Variants in LRRC4C observed in about 807,000 individuals in gnomAD.
The protein encoded by LRRC4C is leucine-rich repeat-containing protein 4C.
LRRC4C carries 5 observed loss-of-function variants against 33.6 expected under a neutral mutation model. That is an observed-to-expected ratio of 0.15 (90% CI 0.08 to 0.31). LRRC4C has a LOEUF of 0.31. LRRC4C is among the 10% of genes least tolerant of loss of function. LRRC4C has a pLI of 1.00. For synonymous variants in LRRC4C, 329 were observed against 302.0 expected (o/e 1.09, Z -0.93); for missense variants, 560 against 796.7 (o/e 0.70, Z 3.58).
chr11:40,978,418 A>G (rs1038890770), intron 1 of LRRC4C, among the ~76,000 whole-genome samples: 2 of 152,180 alleles, frequency 1.3e-5, no homozygotes, highest in Non-Finnish European at 2.9e-5. Flanking sequence ...ATATTTTATA[A>G]TATTTGGAGA....
intron 2 of LRRC4C, among the ~76,000 whole-genome samples, chr11:40,853,669 C>T (rs1468397634): frequency 2.0e-5 from 3 of 152,080 alleles, no homozygotes; most frequent in African/African-American, 7.2e-5. Context: ...GCAGTGAATA[C>T]CATTCAAAAC....
chr11:40,850,004 C>G (rs982374642), intron 2 of LRRC4C, among the ~76,000 whole-genome samples: 2 of 151,776 alleles, frequency 1.3e-5, no homozygotes, highest in African/African-American at 4.8e-5. Flanking sequence ...CTTCTCTAAA[C>G]TGGTTATTCT....
At chr11:40,441,578 C>A (rs1003785289) in intron 3 of LRRC4C, among the ~76,000 whole-genome samples, 47 of 152,248 alleles carry the variant, frequency 3.1e-4, no homozygotes, top group African/African-American at 1.1e-3. Context: ...GTGGATTTTT[C>A]TTTCTGGAGA....
chr11:40,453,154 A>C (rs538224544), intron 3 of LRRC4C, among the ~76,000 whole-genome samples: 1 of 150,372 alleles, frequency 6.7e-6, no homozygotes, highest in African/African-American at 2.4e-5. Flanking sequence ...CACATTGTGC[A>C]CATGTACCCT....
chr11:40,276,160 G>A (rs992295115), intron 4 of LRRC4C, among the ~76,000 whole-genome samples: 19 of 152,084 alleles, frequency 1.2e-4, no homozygotes, highest in African/African-American at 4.6e-4. Context: ...TGATTATTTG[G>A]AAGATAAATA....
intron 2 of LRRC4C, among the ~76,000 whole-genome samples, chr11:40,809,385 T>G (rs1208380635): frequency 6.6e-6 from 1 of 152,176 alleles, no homozygotes; most frequent in Non-Finnish European, 1.5e-5. Context: ...GTGCCTATTT[T>G]TCACACAGAT....
intron 1 of LRRC4C, among the ~76,000 whole-genome samples, chr11:41,084,508 T>C (rs572314005): frequency 2.2e-4 from 33 of 152,340 alleles, no homozygotes; most frequent in African/African-American, 7.9e-4. Context: ...TCCTTTGAAA[T>C]GTTACACAAT....
chr11:40,649,252 G>C (rs1377307379), intron 2 of LRRC4C, among the ~76,000 whole-genome samples: 1 of 152,102 alleles, frequency 6.6e-6, no homozygotes, highest in Non-Finnish European at 1.5e-5. Flanking sequence ...GCGTATTTCA[G>C]TAGTCCTTAT....
Position 40,868,299 on chromosome 11 carries a change from A to C in LRRC4C, c.-407+65336T>G, listed in dbSNP as rs149636224. On this transcript the variant is annotated intron_variant, in intron 2 of 6. Transcript: ENST00000528697. ...TGGTTTTAATTGCCATAATGGCTTAAGCTTCAACTACTGAAGAATGCTATT... is the reference window on the plus strand; with the variant it reads ...TGGTTTTAATTGCCATAATGGCTTACGCTTCAACTACTGAAGAATGCTATT... 2.5e-3 allele frequency among the ~76,000 whole-genome samples: 374 copies of C among 152,286 alleles called. 4 individuals carry two copies. Among genetic ancestry groups the C allele is most frequent in the African/African-American group, 8.2e-3 (342 of 41,570 alleles).
intron 4 of LRRC4C, among the ~76,000 whole-genome samples, chr11:40,261,133 A>ACTGGGATTATAGGCATGAGT (rs1367625310): frequency 1.1e-4 from 16 of 152,094 alleles, no homozygotes; most frequent in Non-Finnish European, 2.1e-4. Flanking sequence ...TTCCCACAGC[A>ACTGGGATTATAGGCATGAGT]CTGGGATTAT....
intron 3 of LRRC4C, among the ~76,000 whole-genome samples, chr11:40,372,922 G>A (rs977816491): frequency 1.3e-5 from 2 of 151,996 alleles, no homozygotes; most frequent in African/African-American, 2.4e-5. Flanking sequence ...AGATAATTTG[G>A]GATTTTTTTT....
chr11:41,235,045 G>A (rs1947957491), intron 1 of LRRC4C, among the ~76,000 whole-genome samples: 2 of 151,872 alleles, frequency 1.3e-5, no homozygotes, highest in Admixed American at 6.6e-5. Flanking sequence ...TAAAATGGAA[G>A]GGTTCTATAA....
At chr11:40,483,144 C>T (rs370308464) in intron 3 of LRRC4C, among the ~76,000 whole-genome samples, 10 of 152,202 alleles carry the variant, frequency 6.6e-5, no homozygotes, top group East Asian at 3.9e-4. Context: ...AAGGAAGTGA[C>T]GCATCTCTGG....
intron 1 of LRRC4C, among the ~76,000 whole-genome samples, chr11:41,241,041 A>G (rs1948229484): frequency 6.6e-6 from 1 of 152,152 alleles, no homozygotes; most frequent in Admixed American, 6.5e-5. Flanking sequence ...TTGCTTTACA[A>G]ACTATGGTAA....
intron 2 of LRRC4C, among the ~76,000 whole-genome samples, chr11:40,835,992 T>TA (rs1377281944): frequency 6.6e-6 from 1 of 152,204 alleles, no homozygotes; most frequent in Non-Finnish European, 1.5e-5. Flanking sequence ...TTATAGCATT[T>TA]AATTTGCTAC....
At chr11:40,220,681 T>C (rs1041861657) in intron 5 of LRRC4C, among the ~76,000 whole-genome samples, 1 of 152,160 alleles carries the variant, frequency 6.6e-6, no homozygotes, top group Non-Finnish European at 1.5e-5. Flanking sequence ...TTTTTTAACT[T>C]TTGAAGACCT....
chr11:40,440,691 G>T (rs1951353503), intron 3 of LRRC4C, among the ~76,000 whole-genome samples: 1 of 152,110 alleles, frequency 6.6e-6, no homozygotes, highest in African/African-American at 2.4e-5. Context: ...AATAAATGGT[G>T]ATTATGTTAT....
At chr11:41,145,362 G>A (rs1943683187) in intron 1 of LRRC4C, among the ~76,000 whole-genome samples, 1 of 152,074 alleles carries the variant, frequency 6.6e-6, no homozygotes, top group African/African-American at 2.4e-5. Context: ...ATTAATAATT[G>A]AGTTTATTCT....
intron 1 of LRRC4C, among the ~76,000 whole-genome samples, chr11:41,376,417 G>A (rs1952938227): frequency 1.3e-5 from 2 of 152,132 alleles, no homozygotes; most frequent in Admixed American, 1.3e-4. Context: ...ACAAATCTCA[G>A]CTCTACAAAA....
Sources: allele counts gnomAD v4.1 joint callset (sites outside exome capture counted in the v4.1 genomes callset), GRCh38; gene constraint gnomAD v4.1.1; transcripts MANE v1.5; gene names NCBI Gene and HGNC (gene_info 2026-07-23, HGNC 2026-07-21).